Variants in B3GAT2 observed in about 807,000 individuals in gnomAD.
The protein encoded by B3GAT2 is beta-1,3-glucuronyltransferase 2, also known as galactosylgalactosylxylosylprotein 3-beta-glucuronosyltransferase 2.
In B3GAT2, 26 loss-of-function variants were observed where a neutral mutation model predicts 27.8. The ratio of observed to expected loss-of-function variants is 0.93; its 90% CI spans 0.68 to 1.30. The LOEUF (loss-of-function observed/expected upper bound fraction) is 1.30, where lower values mean the gene tolerates loss of function less well. B3GAT2 is among the 50% of genes most tolerant of loss of function. The probability of loss-of-function intolerance (pLI) is 0.00; values close to 1 mark genes in which losing one functional copy is unlikely to be tolerated. For synonymous variants in B3GAT2, 218 were observed against 195.1 expected (o/e 1.12, Z -0.98); for missense variants, 458 against 459.0 (o/e 1.00, Z 0.02).
chr6:70,859,139 A>G lies in B3GAT2; in HGVS notation c.*2524T>C, dbSNP rs1305734971. 1 of 507,214 alleles carries G rather than the reference A, an allele frequency of 2.0e-6. No homozygotes were observed. 31.4% of individuals were successfully genotyped at this position (507,214 alleles called of 1,614,324 possible). A position where few individuals can be genotyped will look rare whatever the true frequency, so the allele number is the denominator to read the frequency against. On this transcript the variant is annotated 3_prime_UTR_variant, in exon 4 of 4. Coordinates refer to ENST00000230053, the MANE Select transcript of B3GAT2 (RefSeq NM_080742.3). Reference sequence around the variant, plus strand: ...GATTTCTAACATTAGCACAATCACTATATATCACAGTTAATTTTGCTACCA... The same window carrying G: ...GATTTCTAACATTAGCACAATCACTGTATATCACAGTTAATTTTGCTACCA...
chr6:70,881,657 C>T (rs1582349052), intron 2 of B3GAT2, among the ~76,000 whole-genome samples: 1 of 152,118 alleles, frequency 6.6e-6, no homozygotes. Context: ...GAACCAGGAG[C>T]TTACCACACA....
At chr6:70,862,021 G>A (rs570483837) in intron 2 of B3GAT2, 43 bp from the exon 3 acceptor site, 2 of 1,524,372 alleles carry the variant, frequency 1.3e-6, no homozygotes, top group Non-Finnish European at 1.8e-6. Flanking sequence ...TAAAATCCTG[G>A]TGTACTTCTC....
chr6:70,904,763 G>A (rs1480760008), intron 1 of B3GAT2, among the ~76,000 whole-genome samples: 1 of 152,196 alleles, frequency 6.6e-6, no homozygotes, highest in African/African-American at 2.4e-5. Flanking sequence ...TACAGGGGGT[G>A]TGTGTAGCTA....
intron 1 of B3GAT2, among the ~76,000 whole-genome samples, chr6:70,900,026 G>A (rs927561234): frequency 2.0e-5 from 3 of 152,198 alleles, no homozygotes; most frequent in Admixed American, 6.5e-5. Flanking sequence ...TTATGATAAA[G>A]GGGCAGCAAT....
Position 70,856,976 on chromosome 6 carries a change from G to T in B3GAT2, c.*4687C>A. 5 of 1,613,950 alleles carry T rather than the reference G, an allele frequency of 3.1e-6. 1 individual carries two copies. The highest frequency in any genetic ancestry group is 4.2e-6 in the Non-Finnish European group (5 of 1,179,888). On this transcript the variant is annotated 3_prime_UTR_variant, in exon 4 of 4. Coordinates refer to ENST00000230053, the MANE Select transcript of B3GAT2 (RefSeq NM_080742.3). ...AGTGGCAAAGAAACAACTTTCCAAA[G>T]ACTCCATCTTATCTCTGTATGGCAC...
At chr6:70,943,806 G>A (rs1341024775) in intron 1 of B3GAT2, among the ~76,000 whole-genome samples, 1 of 152,036 alleles carries the variant, frequency 6.6e-6, no homozygotes, top group African/African-American at 2.4e-5. Context: ...AAAAGGTAGG[G>A]GTAGGAATTG....
intron 2 of B3GAT2, among the ~76,000 whole-genome samples, chr6:70,893,652 A>G: frequency 6.6e-6 from 1 of 152,218 alleles, no homozygotes; most frequent in Non-Finnish European, 1.5e-5. Flanking sequence ...AGTATTAAAT[A>G]TATCAATAAA....
At chr6:70,909,035 TAC>T (rs1461333438) in intron 1 of B3GAT2, among the ~76,000 whole-genome samples, 1 of 152,200 alleles carries the variant, frequency 6.6e-6, no homozygotes, top group Admixed American at 6.5e-5. Context: ...ATTAATATTT[TAC>T]ACAGTTAACA....
chr6:70,956,004 C>A lies in B3GAT2; in HGVS notation c.426G>T (p.Val142=). 6.8e-7 allele frequency: 1 copy of A among 1,464,510 alleles called. No homozygotes were observed. Among genetic ancestry groups the A allele is most frequent in the South Asian group, 1.4e-5 (1 of 70,250 alleles). The allele number at this position is 1,464,510 out of a possible 1,614,324, so 90.7% of individuals were successfully genotyped here. Residue 142 remains valine, a synonymous_variant, in exon 1 of 4, where the codon GTG becomes GTT. Coordinates refer to ENST00000230053, the MANE Select transcript of B3GAT2 (RefSeq NM_080742.3). ...RAGLPSTHLH[V]PTPRRYKRPG... ...GCCGCTTGTAGCGCCGCGGCGTGGG[C>A]ACGTGCAGGTGAGTGCTGGGCAGCC...
At position 70,856,963 on chromosome 6, in the gene B3GAT2, A is replaced by G; in HGVS notation, c.*4700T>C. ...CAAAATCAGAAGAAGTGGCAAAGAAACAACTTTCCAAAGACTCCATCTTAT... is the reference window on the plus strand; with the variant it reads ...CAAAATCAGAAGAAGTGGCAAAGAAGCAACTTTCCAAAGACTCCATCTTAT... On this transcript the variant is annotated 3_prime_UTR_variant, in exon 4 of 4. Coordinates refer to ENST00000230053, the MANE Select transcript of B3GAT2 (RefSeq NM_080742.3). 6.2e-7 allele frequency: 1 copy of G among 1,614,034 alleles called. No individual in the cohort carries two copies. Among genetic ancestry groups the G allele is most frequent in the Non-Finnish European group, 8.5e-7 (1 of 1,179,902 alleles).
chr6:70,911,017 T>A (rs913824653), intron 1 of B3GAT2, among the ~76,000 whole-genome samples: 3 of 151,562 alleles, frequency 2.0e-5, no homozygotes, highest in East Asian at 1.9e-4. Flanking sequence ...ACTTTAAAAA[T>A]TTTTTTTTCT....
At chr6:70,929,869 G>A (rs1773031197) in intron 1 of B3GAT2, among the ~76,000 whole-genome samples, 1 of 152,084 alleles carries the variant, frequency 6.6e-6, no homozygotes, top group South Asian at 2.1e-4. Flanking sequence ...AACCAAAAAA[G>A]AGCCCACATT....
chr6:70,948,337 G>A (rs1179868109), intron 1 of B3GAT2, among the ~76,000 whole-genome samples: 3 of 147,292 alleles, frequency 2.0e-5, no homozygotes, highest in African/African-American at 7.6e-5. Flanking sequence ...AAACCCCATT[G>A]TCTCAGCCAA....
chr6:70,918,421 A>G (rs548554205), intron 1 of B3GAT2, among the ~76,000 whole-genome samples: 1 of 152,280 alleles, frequency 6.6e-6, no homozygotes, highest in South Asian at 2.1e-4. Flanking sequence ...TTATGTGTGA[A>G]TTTGATCCTG....
Position 70,879,874 on chromosome 6 carries a change from G to A in B3GAT2, c.736+14254C>T, listed in dbSNP as rs9446303. Among the ~76,000 whole-genome samples the A allele has an allele frequency of 8.6e-3, 1,314 of 152,268 alleles. 15 individuals carry two copies. Among genetic ancestry groups the A allele is most frequent in the African/African-American group, 0.03 (1,244 of 41,554 alleles). ...GAAGCTGAGTGCACAGAGAACACAA[G>A]GAAAATAACTTGAGCGAGGCTCGGG... On this transcript the variant is annotated intron_variant, in intron 2 of 3. Coordinates refer to ENST00000230053, the MANE Select transcript of B3GAT2 (RefSeq NM_080742.3).
Position 70,905,905 on chromosome 6 carries a change from ATG to A in B3GAT2, c.592-11635_592-11634del, listed in dbSNP as rs1401452697. On this transcript the variant is annotated intron_variant, in intron 1 of 3. Transcript: ENST00000230053. ...TGGCACTGTGTGTGTGTGTGTGTGT[ATG>A]TGTGTGTGTGTGCAGTGTGTGTAGA... Among the ~76,000 whole-genome samples, 9 of 144,798 alleles carry A rather than the reference ATG, an allele frequency of 6.2e-5. No homozygotes were observed. The East Asian group carries it at 1.0e-3, about 16-fold the overall frequency. The allele number at this position is 144,798 out of a possible 152,430, so 95.0% of individuals were successfully genotyped here.
At chr6:70,889,339 C>T (rs946726028) in intron 2 of B3GAT2, among the ~76,000 whole-genome samples, 2 of 152,164 alleles carry the variant, frequency 1.3e-5, no homozygotes, top group Admixed American at 6.5e-5. Context: ...AAACTGCCAC[C>T]ATCTGTCTTT....
chr6:70,939,933 A>G (rs1765361683), intron 1 of B3GAT2, among the ~76,000 whole-genome samples: 2 of 152,148 alleles, frequency 1.3e-5, no homozygotes, highest in South Asian at 2.1e-4. Flanking sequence ...GTAGATGTCA[A>G]TTAAAAAATA....
chr6:70,860,111 AAT>A lies in B3GAT2; in HGVS notation c.*1550_*1551del. The A allele has an allele frequency of 7.0e-7, 1 of 1,424,776 alleles. No homozygotes were observed. Among genetic ancestry groups the A allele is most frequent in the Middle Eastern group, 1.9e-4 (1 of 5,346 alleles). 88.3% of individuals were successfully genotyped at this position (1,424,776 alleles called of 1,614,324 possible). A position where few individuals can be genotyped will look rare whatever the true frequency, so the allele number is the denominator to read the frequency against. ...CAGTGCTTGGACTAGTTGTCACATT[AAT>A]GAAAAAATGACCAACTGTGTGGCTA... is the stretch of plus-strand genomic sequence containing the variant. On this transcript the variant is annotated 3_prime_UTR_variant, in exon 4 of 4. Coordinates refer to ENST00000230053, the MANE Select transcript of B3GAT2 (RefSeq NM_080742.3).
Sources: gnomAD v4.1 joint callset for allele counts (sites outside exome capture counted in the v4.1 genomes callset) on GRCh38, gnomAD v4.1.1 for gene constraint, MANE v1.5 for transcripts, NCBI Gene and HGNC (gene_info 2026-07-23, HGNC 2026-07-21) for gene names.